The following MDGA2 variants were observed in gnomAD, a reference collection of about 807,000 sequenced individuals.
The protein encoded by MDGA2 is MAM domain-containing glycosylphosphatidylinositol anchor protein 2.
A neutral mutation model predicts 117.8 loss-of-function variants in MDGA2; 40 were observed. That is an observed-to-expected ratio of 0.34 (90% CI 0.26 to 0.44). The LOEUF (loss-of-function observed/expected upper bound fraction) is 0.44, where lower values mean the gene tolerates loss of function less well. Among genes scored for constraint, MDGA2 ranks in the 20% least tolerant of loss-of-function variants. MDGA2 has a pLI of 1.00. For synonymous variants in MDGA2, 452 were observed against 439.0 expected (o/e 1.03, Z -0.37); for missense variants, 1,123 against 1,250.6 (o/e 0.90, Z 1.54).
intron 1 of MDGA2, among the ~76,000 whole-genome samples, chr14:47,337,717 C>T (rs1325949041): frequency 6.6e-6 from 1 of 151,660 alleles, no homozygotes; most frequent in African/African-American, 2.4e-5. Context: ...CAAATGATGG[C>T]TATTAATAAT....
chr14:46,907,102 A>G (rs1883528122), intron 10 of MDGA2, among the ~76,000 whole-genome samples: 1 of 148,568 alleles, frequency 6.7e-6, no homozygotes. Context: ...TCAGCCTCCC[A>G]AGTAGCTGGG....
chr14:47,124,407 C>T (rs1594646670), intron 5 of MDGA2, among the ~76,000 whole-genome samples: 1 of 152,076 alleles, frequency 6.6e-6, no homozygotes, highest in Non-Finnish European at 1.5e-5. Flanking sequence ...GAATACAAGG[C>T]CATAAATGTT....
At chr14:47,665,656 G>A (rs1404356759) in intron 1 of MDGA2, among the ~76,000 whole-genome samples, 1 of 152,182 alleles carries the variant, frequency 6.6e-6, no homozygotes, top group Non-Finnish European at 1.5e-5. Flanking sequence ...CCTGAGCAAT[G>A]GGGGGCTTAG....
intron 2 of MDGA2, among the ~76,000 whole-genome samples, chr14:47,270,393 G>A (rs530490590): frequency 1.1e-4 from 17 of 152,212 alleles, no homozygotes; most frequent in African/African-American, 3.4e-4. Context: ...GAAGAGAAGC[G>A]TTAATATTCA....
At chr14:47,042,742 C>A (rs1594558982) in intron 7 of MDGA2, among the ~76,000 whole-genome samples, 1 of 152,232 alleles carries the variant, frequency 6.6e-6, no homozygotes, top group Non-Finnish European at 1.5e-5. Context: ...AGATAAGCCT[C>A]TGGTTAAGTG....
intron 8 of MDGA2, among the ~76,000 whole-genome samples, chr14:47,020,885 G>GA (rs76341524): frequency 3.4e-4 from 46 of 135,786 alleles, no homozygotes; most frequent in African/African-American, 3.5e-4. Context: ...CTTTCAGGAA[G>GA]AAAAAAAAAA....
intron 1 of MDGA2, among the ~76,000 whole-genome samples, chr14:47,366,803 C>T (rs1891239898): frequency 6.7e-6 from 1 of 150,364 alleles, no homozygotes; most frequent in African/African-American, 2.5e-5. Flanking sequence ...AACTTCAAGT[C>T]ACGTAACAGT....
intron 1 of MDGA2, among the ~76,000 whole-genome samples, chr14:47,403,588 C>T (rs1320236163): frequency 1.3e-5 from 2 of 152,076 alleles, no homozygotes; most frequent in East Asian, 1.9e-4. Context: ...ATATCCTCAC[C>T]CTCTACTACT....
intron 8 of MDGA2, among the ~76,000 whole-genome samples, chr14:47,011,387 G>T (rs530006458): frequency 3.9e-5 from 6 of 151,964 alleles, no homozygotes; most frequent in Non-Finnish European, 7.4e-5. Flanking sequence ...TTAAATAAAT[G>T]CCTTATAAGT....
intron 3 of MDGA2, among the ~76,000 whole-genome samples, chr14:47,172,952 A>T (rs1884232116): frequency 1.3e-5 from 2 of 152,340 alleles, no homozygotes; most frequent in South Asian, 4.1e-4. Flanking sequence ...AGAAGTGCTT[A>T]AAGGAGCTGA....
chr14:47,214,027 G>A (rs1364305364), intron 3 of MDGA2, among the ~76,000 whole-genome samples: 3 of 152,036 alleles, frequency 2.0e-5, no homozygotes, highest in African/African-American at 7.2e-5. Context: ...GGGGTAAAGA[G>A]TCCCTCATAA....
At chr14:47,275,014 T>C (rs1463131528) in intron 2 of MDGA2, among the ~76,000 whole-genome samples, 1 of 147,548 alleles carries the variant, frequency 6.8e-6, no homozygotes, top group Non-Finnish European at 1.5e-5. Flanking sequence ...CTGTGAGGTG[T>C]TGCTTCACTT....
At chr14:47,232,474 C>G (rs1886724091) in intron 2 of MDGA2, among the ~76,000 whole-genome samples, 1 of 152,022 alleles carries the variant, frequency 6.6e-6, no homozygotes, top group East Asian at 1.9e-4. Flanking sequence ...CTAGAGTAAT[C>G]CACTTGTGTT....
At chr14:46,985,140 G>A (rs1886815888) in intron 8 of MDGA2, among the ~76,000 whole-genome samples, 1 of 152,002 alleles carries the variant, frequency 6.6e-6, no homozygotes, top group Admixed American at 6.6e-5. Flanking sequence ...CTGACCTTCT[G>A]TGGGATTCAA....
At chr14:47,119,592 G>GA (rs1449443261) in intron 5 of MDGA2, among the ~76,000 whole-genome samples, 1 of 151,896 alleles carries the variant, frequency 6.6e-6, no homozygotes, top group Non-Finnish European at 1.5e-5. Flanking sequence ...ATTCCAAAAT[G>GA]AAAAAACAAA....
At chr14:47,014,630 T>G (rs1202620167) in intron 8 of MDGA2, among the ~76,000 whole-genome samples, 1 of 152,194 alleles carries the variant, frequency 6.6e-6, no homozygotes, top group East Asian at 1.9e-4. Context: ...CCAACATGTG[T>G]TAGCTTCAAA....
Position 46,867,083 on chromosome 14 carries a change from G to A in MDGA2, c.2752+6350C>T, listed in dbSNP as rs376090373. The stretch of plus-strand genomic sequence containing the variant: ...CTATAAATCATGCTGCTATAAAGAC[G>A]CATGCACATGTATGTTTATTGTGGC... On this transcript the variant is annotated intron_variant, in intron 14 of 16. Transcript: ENST00000399232. Among the ~76,000 whole-genome samples, 557 of 152,100 alleles carry A rather than the reference G, an allele frequency of 3.7e-3. 5 individuals carry two copies. The highest frequency in any genetic ancestry group is 0.012 in the African/African-American group (509 of 41,488).
chr14:46,994,839 C>G (rs1358653734), intron 8 of MDGA2, among the ~76,000 whole-genome samples: 1 of 152,094 alleles, frequency 6.6e-6, no homozygotes, highest in African/African-American at 2.4e-5. Flanking sequence ...AGTGGAAATG[C>G]AATTAAATAT....
rs1470845573 is a variant in MDGA2 at position 47,616,030 on chromosome 14, G to GA, written c.280+58486dup. Among the ~76,000 whole-genome samples, 3 of 152,264 alleles carry GA rather than the reference G, an allele frequency of 2.0e-5. No individual in the cohort carries two copies. In the East Asian group the frequency reaches 5.8e-4, roughly 29 times the overall value. On this transcript the variant is annotated intron_variant, in intron 1 of 16. Coordinates refer to ENST00000399232, the MANE Select transcript of MDGA2 (RefSeq NM_001113498.3). ...AAAGTTACTCCACGTCTCCTGGGAGGAATGAGTAGGAGCGAGAGAAAGTGA... is the reference window on the plus strand; with the variant it reads ...AAAGTTACTCCACGTCTCCTGGGAGGAAATGAGTAGGAGCGAGAGAAAGTGA...
Sources: gnomAD v4.1 joint callset for allele counts (sites outside exome capture counted in the v4.1 genomes callset) on GRCh38, gnomAD v4.1.1 for gene constraint, MANE v1.5 for transcripts, NCBI Gene and HGNC (gene_info 2026-07-23, HGNC 2026-07-21) for gene names.